Variants in ITFG1 observed in about 807,000 individuals in gnomAD.
ITFG1 encodes T-cell immunomodulatory protein.
A neutral mutation model predicts 81.8 loss-of-function variants in ITFG1; 34 were observed. That is an observed-to-expected ratio of 0.42 (90% CI 0.32 to 0.55). The LOEUF is 0.55. Ranked by LOEUF, ITFG1 falls within the 20% of genes least tolerant of loss-of-function variation. The probability of loss-of-function intolerance (pLI) is 0.17; values close to 1 mark genes in which losing one functional copy is unlikely to be tolerated. For missense variants in ITFG1, 672 were observed against 755.4 expected (o/e 0.89, Z 1.29); for synonymous variants, 285 against 270.6 (o/e 1.05, Z -0.52).
chr16:47,184,652 T>C (rs1452307523), intron 14 of ITFG1, among the ~76,000 whole-genome samples: 4 of 152,070 alleles, frequency 2.6e-5, no homozygotes, highest in African/African-American at 4.8e-5. Flanking sequence ...AAGGAACAAC[T>C]GGTACCAGCC....
chr16:47,198,188 G>A (rs1027255873), intron 14 of ITFG1, among the ~76,000 whole-genome samples: 3 of 152,194 alleles, frequency 2.0e-5, no homozygotes, highest in Non-Finnish European at 2.9e-5. Context: ...TATAGGATGA[G>A]TAACTTGAGC....
chr16:47,193,553 G>C (rs565741285), intron 14 of ITFG1, among the ~76,000 whole-genome samples: 2 of 152,220 alleles, frequency 1.3e-5, no homozygotes, highest in Non-Finnish European at 2.9e-5. Context: ...AATAAGCTGG[G>C]TGTGTTGGTG....
chr16:47,301,148 C>T (rs1281623901), intron 10 of ITFG1, among the ~76,000 whole-genome samples: 1 of 151,984 alleles, frequency 6.6e-6, no homozygotes, highest in Non-Finnish European at 1.5e-5. Flanking sequence ...GAATAAAACA[C>T]ACAGATCAGT....
At chr16:47,275,597 T>C (rs1966389861) in intron 10 of ITFG1, among the ~76,000 whole-genome samples, 2 of 152,150 alleles carry the variant, frequency 1.3e-5, no homozygotes, top group African/African-American at 4.8e-5. Flanking sequence ...TGTAGAGGTA[T>C]AGTAAAAAGG....
chr16:47,451,494 G>A (rs370643993), intron 4 of ITFG1, 24 bp from the exon 5 acceptor site: 212 of 1,255,578 alleles, frequency 1.7e-4, no homozygotes, highest in Non-Finnish European at 2.2e-4. Context: ...AAAACAATAA[G>A]CAGCTATTTC....
intron 14 of ITFG1, among the ~76,000 whole-genome samples, chr16:47,193,536 A>G (rs896203249): frequency 6.6e-6 from 1 of 152,090 alleles, no homozygotes; most frequent in Non-Finnish European, 1.5e-5. Flanking sequence ...CTCTACAAAA[A>G]ATAAAAAATA....
chr16:47,350,511 C>A (rs1220758767), intron 8 of ITFG1, among the ~76,000 whole-genome samples: 1 of 152,078 alleles, frequency 6.6e-6, no homozygotes, highest in East Asian at 1.9e-4. Context: ...AAGACTAAAC[C>A]AGGAAGAAGT....
At chr16:47,338,524 G>A (rs1251803171) in intron 8 of ITFG1, among the ~76,000 whole-genome samples, 12 of 151,982 alleles carry the variant, frequency 7.9e-5, no homozygotes, top group Admixed American at 7.2e-4. Flanking sequence ...CTAAATGTTC[G>A]GTTTAGAGCA....
At chr16:47,421,270 G>GCACACACACACA (rs58232411) in intron 6 of ITFG1, among the ~76,000 whole-genome samples, 3 of 129,956 alleles carry the variant, frequency 2.3e-5, no homozygotes, top group African/African-American at 8.5e-5. Context: ...ACATACATAT[G>GCACACACACACA]CACACACACA....
chr16:47,444,096 A>T (rs1969291505), intron 5 of ITFG1, among the ~76,000 whole-genome samples: 1 of 152,154 alleles, frequency 6.6e-6, no homozygotes, highest in African/African-American at 2.4e-5. Context: ...TTTCAATTCA[A>T]ATAAATGTGC....
intron 13 of ITFG1, among the ~76,000 whole-genome samples, chr16:47,223,779 G>A (rs1193470027): frequency 3.3e-5 from 5 of 152,034 alleles, no homozygotes; most frequent in Non-Finnish European, 4.4e-5. Context: ...TGTTTATTGC[G>A]GCACTATTTG....
intron 6 of ITFG1, among the ~76,000 whole-genome samples, chr16:47,415,040 C>T (rs1375228139): frequency 1.3e-5 from 2 of 152,156 alleles, no homozygotes; most frequent in African/African-American, 4.8e-5. Context: ...ACACTGTTGT[C>T]TAAAATCAAA....
intron 14 of ITFG1, among the ~76,000 whole-genome samples, chr16:47,200,744 A>C (rs1429940588): frequency 6.6e-6 from 1 of 152,192 alleles, no homozygotes; most frequent in Admixed American, 6.5e-5. Context: ...ACGTTATTAG[A>C]AATGAAAATT....
At chr16:47,221,107 A>C (rs1406119568) in intron 13 of ITFG1, among the ~76,000 whole-genome samples, 2 of 152,114 alleles carry the variant, frequency 1.3e-5, no homozygotes, top group Non-Finnish European at 2.9e-5. Context: ...GAGCTCCCCA[A>C]AGATCCATTC....
chr16:47,295,434 G>A (rs1966968369), intron 10 of ITFG1, among the ~76,000 whole-genome samples: 1 of 152,112 alleles, frequency 6.6e-6, no homozygotes, highest in South Asian at 2.1e-4. Context: ...AGTCCACACG[G>A]TCATGCAGCT....
chr16:47,304,742 C>T (rs1967130947), intron 10 of ITFG1, among the ~76,000 whole-genome samples: 1 of 152,144 alleles, frequency 6.6e-6, no homozygotes, highest in African/African-American at 2.4e-5. Context: ...ACGATAACCA[C>T]TAGTCTGATT....
At chr16:47,216,858 A>T (rs1321244192) in intron 14 of ITFG1, among the ~76,000 whole-genome samples, 1 of 151,908 alleles carries the variant, frequency 6.6e-6, no homozygotes, top group Admixed American at 6.6e-5. Context: ...GGGCTTTGTC[A>T]TGTTGGCCAG....
At chr16:47,250,876 A>T (rs1966066190) in intron 12 of ITFG1, among the ~76,000 whole-genome samples, 1 of 152,144 alleles carries the variant, frequency 6.6e-6, no homozygotes, top group South Asian at 2.1e-4. Context: ...GGCAGCTGAG[A>T]GGGGAAACAT....
chr16:47,210,758 A>C (rs1008436275), intron 14 of ITFG1, among the ~76,000 whole-genome samples: 1 of 152,136 alleles, frequency 6.6e-6, no homozygotes, highest in Non-Finnish European at 1.5e-5. Context: ...TGAGGTAGGC[A>C]TGTTTGTATG....
Sources: gnomAD v4.1 joint callset for allele counts (sites outside exome capture counted in the v4.1 genomes callset) on GRCh38, gnomAD v4.1.1 for gene constraint, MANE v1.5 for transcripts, NCBI Gene and HGNC (gene_info 2026-07-23, HGNC 2026-07-21) for gene names.